MYO3B: variants seen among roughly 807,000 people sequenced by gnomAD.
The protein encoded by MYO3B is myosin-IIIb.
Under a neutral mutation model 174.6 loss-of-function variants are expected in MYO3B, and 156 were observed. That is an observed-to-expected ratio of 0.89 (90% CI 0.78 to 1.02). MYO3B has a LOEUF of 1.02. Among genes scored for constraint, MYO3B ranks in the 50% least tolerant of loss-of-function variants. The pLI, the probability that MYO3B is intolerant of heterozygous loss-of-function variation, is 0.00. For synonymous variants in MYO3B, 563 were observed against 569.1 expected (o/e 0.99, Z 0.15); for missense variants, 1,632 against 1,639.4 (o/e 1.00, Z 0.08).
chr2:170,569,825 C>T (rs940891084), intron 32 of MYO3B, among the ~76,000 whole-genome samples: 2 of 147,124 alleles, frequency 1.4e-5, no homozygotes, highest in Non-Finnish European at 1.5e-5. Flanking sequence ...TGCACCACAG[C>T]ACTCCAGCCT....
chr2:170,407,477 A>G (rs2094517336), intron 21 of MYO3B, among the ~76,000 whole-genome samples: 1 of 150,248 alleles, frequency 6.7e-6, no homozygotes, highest in African/African-American at 2.4e-5. Flanking sequence ...GAAAAAAACA[A>G]AACAACAACA....
chr2:170,605,889 C>T (rs1694779055), intron 32 of MYO3B, among the ~76,000 whole-genome samples: 1 of 151,984 alleles, frequency 6.6e-6, no homozygotes, highest in South Asian at 2.1e-4. Flanking sequence ...AATGTCCACC[C>T]AAGGATCCAA....
chr2:170,463,334 T>C (rs201757946), intron 23 of MYO3B, 34 bp from the exon 24 acceptor site: 3 of 1,597,502 alleles, frequency 1.9e-6, no homozygotes, highest in Non-Finnish European at 2.6e-6. Context: ...AGTGCCTAGA[T>C]CCTCAAACCA....
At chr2:170,401,166 C>A (rs979257940) in intron 17 of MYO3B, among the ~76,000 whole-genome samples, 4 of 152,126 alleles carry the variant, frequency 2.6e-5, no homozygotes, top group South Asian at 4.1e-4. Flanking sequence ...CATTTTAGGG[C>A]CTTTAATATA....
At chr2:170,286,385 C>T (rs2105405925) in intron 7 of MYO3B, among the ~76,000 whole-genome samples, 1 of 152,236 alleles carries the variant, frequency 6.6e-6, no homozygotes, top group Admixed American at 6.5e-5. Flanking sequence ...TGGGGTCTTG[C>T]TTGCTGGGAG....
At chr2:170,601,888 T>C in intron 32 of MYO3B, 18 of 852,926 alleles carry the variant, frequency 2.1e-5, no homozygotes, top group Middle Eastern at 3.5e-4. Context: ...ATGCTCTCCT[T>C]TGATTTTTGG....
chr2:170,341,139 G>T (rs2093974356), intron 8 of MYO3B: 1 of 152,164 alleles, frequency 6.6e-6, no homozygotes, highest in Non-Finnish European at 1.5e-5. Context: ...TTGAAACTCA[G>T]ATCTGGAACA....
At chr2:170,237,870 G>A (rs1305337376) in intron 7 of MYO3B, among the ~76,000 whole-genome samples, 1 of 152,112 alleles carries the variant, frequency 6.6e-6, no homozygotes, top group Non-Finnish European at 1.5e-5. Flanking sequence ...GAATCAGATT[G>A]AACTAGGCAA....
chr2:170,636,056 GT>G (rs1697442519), intron 32 of MYO3B, among the ~76,000 whole-genome samples: 2 of 152,188 alleles, frequency 1.3e-5, no homozygotes, highest in Non-Finnish European at 2.9e-5. Context: ...GTATTATATA[GT>G]GTGTGGAATA....
chr2:170,225,304 G>C (rs758722006), intron 6 of MYO3B, among the ~76,000 whole-genome samples: 1 of 152,214 alleles, frequency 6.6e-6, no homozygotes, highest in South Asian at 2.1e-4. Context: ...GTTATTAGGT[G>C]ATGCCACCAG....
At chr2:170,336,915 G>C (rs927339475) in intron 8 of MYO3B, among the ~76,000 whole-genome samples, 2 of 151,832 alleles carry the variant, frequency 1.3e-5, no homozygotes, top group Admixed American at 6.6e-5. Flanking sequence ...TCAGGAAAGG[G>C]GAGTGGAAAA....
intron 3 of MYO3B, among the ~76,000 whole-genome samples, chr2:170,211,046 T>C (rs964699922): frequency 6.6e-6 from 1 of 152,192 alleles, no homozygotes; most frequent in Non-Finnish European, 1.5e-5. Flanking sequence ...TAAACAGGCA[T>C]GACTGGGAGG....
At chr2:170,514,799 C>T (rs1019693271) in intron 28 of MYO3B, 122 bp from the exon 29 acceptor site, 1 of 720,384 alleles carries the variant, frequency 1.4e-6, no homozygotes, top group Non-Finnish European at 2.3e-6. Flanking sequence ...GATTAGTCAC[C>T]TTGGTGCCTT....
At chr2:170,460,995 T>C (rs1032363843) in intron 23 of MYO3B, among the ~76,000 whole-genome samples, 1 of 152,200 alleles carries the variant, frequency 6.6e-6, no homozygotes, top group Non-Finnish European at 1.5e-5. Context: ...GTGTCTGTTA[T>C]AAGTTCTGAG....
At chr2:170,538,764 G>A (rs1689888499) in intron 30 of MYO3B, among the ~76,000 whole-genome samples, 1 of 152,196 alleles carries the variant, frequency 6.6e-6, no homozygotes, top group African/African-American at 2.4e-5. Flanking sequence ...AGCCCTGGAG[G>A]CAATCTGTTT....
Position 170,621,516 on chromosome 2 carries a change from T to G in MYO3B, c.3734-30112T>G, listed in dbSNP as rs550754097. On this transcript the variant is annotated intron_variant, in intron 32 of 34. Transcript: ENST00000408978. Reference sequence around the variant, plus strand: ...CTGGAAATGTTTTTTTGTTTTTTTGTTTTTTTGTTTTTGAGACAGAGTCTC... The same window carrying G: ...CTGGAAATGTTTTTTTGTTTTTTTGGTTTTTTGTTTTTGAGACAGAGTCTC... Among the ~76,000 whole-genome samples, 169 of 102,430 alleles carry G rather than the reference T, an allele frequency of 1.6e-3. 2 individuals carry two copies. Among genetic ancestry groups the G allele is most frequent in the Admixed American group, 0.016 (155 of 9,840 alleles). 67.2% of individuals were successfully genotyped at this position (102,430 alleles called of 152,430 possible). A position where few individuals can be genotyped will look rare whatever the true frequency, so the allele number is the denominator to read the frequency against.
At chr2:170,511,273 A>G (rs973348529) in intron 28 of MYO3B, among the ~76,000 whole-genome samples, 9 of 150,830 alleles carry the variant, frequency 6.0e-5, no homozygotes, top group African/African-American at 2.0e-4. Context: ...TCACCGTGTT[A>G]GCTAGGATGG....
intron 7 of MYO3B, among the ~76,000 whole-genome samples, chr2:170,296,922 TG>T (rs1485296102): frequency 6.6e-6 from 1 of 152,122 alleles, no homozygotes; most frequent in Non-Finnish European, 1.5e-5. Flanking sequence ...AACTTACTCT[TG>T]CGATGACAGC....
At chr2:170,207,622 A>G (rs1213438297) in intron 3 of MYO3B, among the ~76,000 whole-genome samples, 1 of 151,822 alleles carries the variant, frequency 6.6e-6, no homozygotes, top group Non-Finnish European at 1.5e-5. Context: ...AGTGTCCCAT[A>G]GTACAGAGAG....
Sources: allele counts gnomAD v4.1 joint callset (sites outside exome capture counted in the v4.1 genomes callset), GRCh38; gene constraint gnomAD v4.1.1; transcripts MANE v1.5; gene names NCBI Gene and HGNC (gene_info 2026-07-23, HGNC 2026-07-21).